Variants in PIWIL1 observed in about 807,000 individuals in gnomAD.
PIWIL1 encodes piwi-like protein 1.
In PIWIL1, 73 loss-of-function variants were observed where a neutral mutation model predicts 114.4. The ratio of observed to expected loss-of-function variants is 0.64; its 90% confidence interval spans 0.53 to 0.78. The LOEUF (loss-of-function observed/expected upper bound fraction) is 0.78, where lower values mean the gene tolerates loss of function less well. Ranked by LOEUF, PIWIL1 falls within the 30% of genes least tolerant of loss-of-function variation. The pLI is 0.00. For synonymous variants in PIWIL1, 375 were observed against 369.0 expected, an observed-to-expected ratio of 1.02 and a Z score of -0.19; for missense variants, 723 against 1,063.1, an observed-to-expected ratio of 0.68 and a Z score of 4.45.
chr12:130,373,315 CAGTT>C (rs111798885), downstream of PIWIL1, among the ~76,000 whole-genome samples: 714 of 152,248 alleles, frequency 4.7e-3, 7 homozygotes, highest in South Asian at 0.016. Flanking sequence ...GGTGGCTAGT[CAGTT>C]AGTTAAGTCA....
At chr12:130,416,719 A>G in the PIWIL1 span, among the ~76,000 whole-genome samples, 1 of 152,178 alleles carries the variant, frequency 6.6e-6, no homozygotes, top group African/African-American at 2.4e-5. Context: ...AAAAATTAAC[A>G]TGCATGACCT....
At chr12:130,415,814 C>T in the PIWIL1 span, among the ~76,000 whole-genome samples, 1 of 152,178 alleles carries the variant, frequency 6.6e-6, no homozygotes, top group Middle Eastern at 3.2e-3. Context: ...CCTGAAGACT[C>T]TGCTAAAAGG....
At position 130,361,204 on chromosome 12, in the gene PIWIL1, C is replaced by T. The variant is rs1440870969; in HGVS notation, c.1690C>T (p.Arg564Trp). Residue 564 changes from arginine (R) to tryptophan (W), a missense_variant, in exon 15 of 21, where the codon CGG becomes TGG. Transcript: ENST00000245255. ...GGTTGTCTGTCTGTTGTCAAGTAAT[C>T]GGAAGGACAAATACGATGCTATTAA... Reference protein sequence around the residue: ...QIVVCLLSSNRKDKYDAIKKY... With the variant: ...QIVVCLLSSNWKDKYDAIKKY... 6.2e-7 allele frequency: 1 copy of T among 1,613,988 alleles called. No homozygotes were observed.
At chr12:130,414,120 C>A in the PIWIL1 span, 2 of 1,614,026 alleles carry the variant, frequency 1.2e-6, no homozygotes, top group South Asian at 1.1e-5. Flanking sequence ...GCAGCCATCC[C>A]GCACCTTGAT....
At chr12:130,354,016 A>C (rs2073293179) in intron 9 of PIWIL1, among the ~76,000 whole-genome samples, 1 of 152,120 alleles carries the variant, frequency 6.6e-6, no homozygotes. Flanking sequence ...GAACCTTAAC[A>C]CTTCTCAATT....
At chr12:130,367,023 C>T (rs1286150225) in intron 18 of PIWIL1, 110 bp from the exon 19 acceptor site, 3 of 1,253,202 alleles carry the variant, frequency 2.4e-6, no homozygotes, top group Non-Finnish European at 1.1e-6. Flanking sequence ...AGATGATACG[C>T]CCCAGGAGGG....
the PIWIL1 span, among the ~76,000 whole-genome samples, chr12:130,422,068 G>A: frequency 6.6e-6 from 1 of 152,154 alleles, no homozygotes; most frequent in East Asian, 1.9e-4. This position sits in a 1 kb window ranked among gnomAD's most constrained non-coding sequence, Gnocchi z 5.2. Context: ...CATTCCCTCG[G>A]GTGGGGCTCA....
At chr12:130,414,681 A>T in the PIWIL1 span, 1 of 172,998 alleles carries the variant, frequency 5.8e-6, no homozygotes, top group African/African-American at 2.4e-5. Context: ...AGCACAGCCC[A>T]CGTTTAAAAT....
the PIWIL1 span, among the ~76,000 whole-genome samples, chr12:130,408,756 T>C: frequency 6.6e-6 from 1 of 152,270 alleles, no homozygotes; most frequent in Admixed American, 6.5e-5. Context: ...ACACAGCCAC[T>C]TTTTGCTTAC....
At chr12:130,402,345 G>A in the PIWIL1 span, among the ~76,000 whole-genome samples, 7 of 152,188 alleles carry the variant, frequency 4.6e-5, no homozygotes, top group African/African-American at 1.4e-4. Context: ...CAGAATCGAA[G>A]GCTCCCCCAG....
At chr12:130,402,613 T>C in the PIWIL1 span, among the ~76,000 whole-genome samples, 3 of 152,222 alleles carry the variant, frequency 2.0e-5, no homozygotes, top group African/African-American at 7.2e-5. Context: ...TGATCTCTGC[T>C]TCTCTCCTAC....
chr12:130,401,579 A>ACCTGTGACTGCCCTGGG, the PIWIL1 span, among the ~76,000 whole-genome samples: 1 of 150,970 alleles, frequency 6.6e-6, no homozygotes, highest in Non-Finnish European at 1.5e-5. Context: ...ACTCTTATTT[A>ACCTGTGACTGCCCTGGG]CCTGTGACTG....
the PIWIL1 span, chr12:130,383,482 A>G: frequency 6.6e-6 from 1 of 152,220 alleles, no homozygotes; most frequent in African/African-American, 2.4e-5. Context: ...AAGCCAAGGT[A>G]AAATGTCTCT....
At chr12:130,380,485 G>A in the PIWIL1 span, among the ~76,000 whole-genome samples, 7 of 152,330 alleles carry the variant, frequency 4.6e-5, no homozygotes, top group South Asian at 2.1e-4. Flanking sequence ...CTAAGGTGTC[G>A]GGGTGGAGGG....
At chr12:130,342,006 T>C (rs941833694) in intron 1 of PIWIL1, among the ~76,000 whole-genome samples, 6 of 152,184 alleles carry the variant, frequency 3.9e-5, no homozygotes, top group African/African-American at 1.4e-4. Context: ...AGAATGAAAT[T>C]ATGGGACATG....
At position 130,357,092 on chromosome 12, in the gene PIWIL1, A is replaced by G. The variant is rs1483543631; in HGVS notation, c.1579A>G (p.Arg527Gly). 3.7e-6 allele frequency: 6 copies of G among 1,609,174 alleles called. No homozygotes were observed. Among genetic ancestry groups the G allele is most frequent in the Non-Finnish European group, 4.2e-6 (5 of 1,176,922 alleles). Residue 527 changes from arginine (R) to glycine (G), a missense_variant, in exon 13 of 21, where the codon AGA becomes GGA. Coordinates refer to ENST00000245255, the MANE Select transcript of PIWIL1 (RefSeq NM_004764.5). ...KVTPAMGMQMRKAIMIEVDDR... is the reference protein window; with the variant it reads ...KVTPAMGMQMGKAIMIEVDDR... ...TACACCAGCCATGGGCATGCAAATG[A>G]GAAAAGCAATAATGTAAGTTAATCA...
intron 9 of PIWIL1, chr12:130,351,023 AC>A (rs1455293519): frequency 6.6e-6 from 1 of 152,132 alleles, no homozygotes; most frequent in Non-Finnish European, 1.5e-5. Context: ...CTTTCCTCCC[AC>A]TGTTTTCAGC....
At chr12:130,355,944 A>G (rs1271170458) in intron 12 of PIWIL1, among the ~76,000 whole-genome samples, 3 of 152,136 alleles carry the variant, frequency 2.0e-5, no homozygotes, top group African/African-American at 7.2e-5. Context: ...CCTCAGAAAT[A>G]GGTACACCCC....
chr12:130,417,378 G>A, the PIWIL1 span, among the ~76,000 whole-genome samples: 19 of 152,306 alleles, frequency 1.2e-4, no homozygotes, highest in East Asian at 3.1e-3. Context: ...GATGTGGTGC[G>A]TATACCACAT....
Sources: gnomAD v4.1 joint callset for allele counts (sites outside exome capture counted in the v4.1 genomes callset) on GRCh38, gnomAD v4.1.1 for gene constraint, Gnocchi (gnomAD v3.1) non-coding constraint, MANE v1.5 for transcripts, NCBI Gene and HGNC (gene_info 2026-07-23, HGNC 2026-07-21) for gene names.